Variants in MLXIP observed in about 807,000 individuals in gnomAD.
MLXIP encodes the protein MLX-interacting protein.
A neutral mutation model predicts 87.2 loss-of-function variants in MLXIP; 30 were observed. The ratio of observed to expected loss-of-function variants is 0.34; its 90% CI spans 0.26 to 0.47. The LOEUF is 0.47. Among genes scored for constraint, MLXIP ranks in the 20% least tolerant of loss-of-function variants. The probability of loss-of-function intolerance (pLI) is 1.00; values close to 1 mark genes in which losing one functional copy is unlikely to be tolerated. For missense variants in MLXIP, 1,002 were observed against 1,240.1 expected, an observed-to-expected ratio of 0.81 and a Z score of 2.88; for synonymous variants, 530 against 514.0, an observed-to-expected ratio of 1.03 and a Z score of -0.42.
intron 1 of MLXIP, among the ~76,000 whole-genome samples, chr12:122,113,404 A>G (rs1313862556): frequency 6.6e-6 from 1 of 152,030 alleles, no homozygotes; most frequent in East Asian, 1.9e-4. Context: ...AGTAGCTGGG[A>G]CTACAGGCAT....
chr12:122,128,225 G>A (rs1203043477), intron 3 of MLXIP: 4 of 426,174 alleles, frequency 9.4e-6, no homozygotes, highest in Non-Finnish European at 1.8e-5. Flanking sequence ...TTTAAAGTGT[G>A]TGTCTATGTG....
At chr12:122,090,294 G>C (rs36189777) in intron 1 of MLXIP, among the ~76,000 whole-genome samples, 76,548 of 151,816 alleles carry the variant, frequency 0.5, 19,794 homozygotes, top group Middle Eastern at 0.63. Flanking sequence ...TCAGGAGTTC[G>C]AGACCAGCCT....
Position 122,137,569 on chromosome 12 carries a change from C to G in MLXIP, c.2133C>G (p.Pro711=). The part of the protein sequence containing the change: ...PQNNCSGKSD[P]KNVAALKNRQ... ...ACAACTGCTCAGGGAAATCCGACCC[C>G]AAAAATGTGGCTGCACTAAAGGTAC... The change falls in exon 12 of 17, where the codon CCC becomes CCG. Residue 711 remains proline (P), a synonymous_variant. Coordinates refer to ENST00000319080, the MANE Select transcript of MLXIP (RefSeq NM_014938.6). The surrounding 1 kb of genome is among the most constrained non-coding windows in gnomAD (Gnocchi z 4.1). The G allele has an allele frequency of 1.9e-6, 3 of 1,613,982 alleles. No homozygotes were observed. The highest frequency in any genetic ancestry group is 3.3e-5 in the Admixed American group (2 of 60,018).
At chr12:122,086,847 C>T (rs1952174898) in intron 1 of MLXIP, among the ~76,000 whole-genome samples, 1 of 152,184 alleles carries the variant, frequency 6.6e-6, no homozygotes, top group South Asian at 2.1e-4. Context: ...CTCTTCTTCA[C>T]TGTCCGGCCA....
Position 122,138,220 on chromosome 12 carries a change from T to C in MLXIP, c.2181T>C (p.Ala727=). 6.2e-7 allele frequency: 1 copy of C among 1,609,804 alleles called. No individual in the cohort carries two copies. The highest frequency in any genetic ancestry group is 8.5e-7 in the Non-Finnish European group (1 of 1,178,148). The part of the protein sequence containing the change: ...LKNRQMKHIS[A]EQKRRFNIKM... ...ACCGGCAGATGAAGCACATCTCAGCTGAGCAGAAAAGGCGCTTCAACATCA... is the reference window on the plus strand; with the variant it reads ...ACCGGCAGATGAAGCACATCTCAGCCGAGCAGAAAAGGCGCTTCAACATCA... The change falls in exon 13 of 17, where the codon GCT becomes GCC. Residue 727 remains alanine, a synonymous_variant. Transcript: ENST00000319080.
intron 1 of MLXIP, among the ~76,000 whole-genome samples, chr12:122,112,060 G>C (rs1952612950): frequency 6.6e-6 from 1 of 152,124 alleles, no homozygotes; most frequent in Non-Finnish European, 1.5e-5. Context: ...AAAGATGATG[G>C]GTGCTAACCT....
chr12:122,092,111 T>C (rs1952254774), intron 1 of MLXIP, among the ~76,000 whole-genome samples: 1 of 152,018 alleles, frequency 6.6e-6, no homozygotes, highest in South Asian at 2.1e-4. Flanking sequence ...TCTTTTCTTT[T>C]CTTTGAGACA....
At position 122,135,959 on chromosome 12, in the gene MLXIP, A is replaced by G; in HGVS notation, c.2032+293A>G. On this transcript the variant is annotated intron_variant, in intron 11 of 16. Coordinates refer to ENST00000319080, the MANE Select transcript of MLXIP (RefSeq NM_014938.6). The surrounding 1 kb of genome is among the most constrained non-coding windows in gnomAD (Gnocchi z 5.3). ...ACGAAGGCCTGGTACTGAGCTGCTG[A>G]TCTCACCCAGAGAAGGGATTGAGGA... 1 of 337,538 alleles carries G rather than the reference A, an allele frequency of 3.0e-6. No homozygotes were observed. The highest frequency in any genetic ancestry group is 5.4e-6 in the Non-Finnish European group (1 of 184,460). The allele number at this position is 337,538 out of a possible 1,614,324, so 20.9% of individuals were successfully genotyped here. A position where few individuals can be genotyped will look rare whatever the true frequency, so the allele number is the denominator to read the frequency against.
chr12:122,108,229 A>G (rs998221348), intron 1 of MLXIP, among the ~76,000 whole-genome samples: 31 of 151,982 alleles, frequency 2.0e-4, no homozygotes, highest in African/African-American at 6.3e-4. Flanking sequence ...TTAGCCAGGT[A>G]TGGTGGCGGG....
chr12:122,137,480 C>T lies in MLXIP; in HGVS notation c.2044C>T (p.Pro682Ser). The T allele has an allele frequency of 1.2e-6, 2 of 1,613,862 alleles. No homozygotes were observed. Among genetic ancestry groups the T allele is most frequent in the Non-Finnish European group, 8.5e-7 (1 of 1,179,804 alleles). ...TCTGTTCTTACCAGGTCGGGACTGC[C>T]CAAACTCAGGGCAGGCCTCTCCGTG... is the stretch of plus-strand genomic sequence containing the variant. Reference protein sequence around the residue: ...VTVTGPSRDCPNSGQASPCAS... With the variant: ...VTVTGPSRDCSNSGQASPCAS... The change falls in exon 12 of 17, where the codon CCA (proline) becomes TCA (serine). Residue 682 changes from proline to serine, a missense_variant. By Grantham distance (74) the Pro-to-Ser change is moderately conservative. Transcript: ENST00000319080. This position sits in a 1 kb window ranked among gnomAD's most constrained non-coding sequence, Gnocchi z 4.1.
chr12:122,089,688 A>G (rs1952218127), intron 1 of MLXIP, among the ~76,000 whole-genome samples: 1 of 152,186 alleles, frequency 6.6e-6, no homozygotes, highest in Non-Finnish European at 1.5e-5. Context: ...TCACCTCAGT[A>G]AGATCCCCAG....
chr12:122,128,811 G>C, intron 3 of MLXIP: 1 of 258,424 alleles, frequency 3.9e-6, no homozygotes, highest in Non-Finnish European at 7.5e-6. Flanking sequence ...TTTATGGGGG[G>C]GCTTGGGAAT....
rs1393264699 is a variant in MLXIP, at chr12:122,141,812, G to A, written c.2760G>A (p.Ter920=). Residue 920 remains the stop codon, a stop_retained_variant, in exon 17 of 17, where the codon TAG becomes TAA. Transcript: ENST00000319080. The part of the protein sequence containing the change: ...TRIGKRLGES[*] ...TTGGCAAGAGATTGGGAGAGTCCTA[G>A]CTGCTTAGCTGGCATGTGGCCGCAT... 1 of 1,613,262 alleles carries A rather than the reference G, an allele frequency of 6.2e-7. No individual in the cohort carries two copies.
In MLXIP at chr12:122,135,114, T is replaced by C; in HGVS notation, c.1733-110T>C. 7.2e-7 allele frequency: 1 copy of C among 1,386,570 alleles called. No individual in the cohort carries two copies. The highest frequency in any genetic ancestry group is 1.4e-5 in the African/African-American group (1 of 69,958). The allele number at this position is 1,386,570 out of a possible 1,614,324, so 85.9% of individuals were successfully genotyped here. On this transcript the variant is annotated intron_variant, in intron 9 of 16. Transcript: ENST00000319080. This position sits in a 1 kb window ranked among gnomAD's most constrained non-coding sequence, Gnocchi z 5.3. ...GTGCCTTGGTGGCTTTGTCTTCCTG[T>C]CCCCTGGGGTTGAGAACAAGCTGTC...
chr12:122,127,149 G>A (rs1228017548), intron 1 of MLXIP, 107 bp from the exon 2 acceptor site: 1 of 848,186 alleles, frequency 1.2e-6, no homozygotes, highest in Non-Finnish European at 2.0e-6. Context: ...TATGGCTGGG[G>A]GTGGATCAGT....
At chr12:122,106,037 C>G (rs559481138) in intron 1 of MLXIP, among the ~76,000 whole-genome samples, 234 of 152,352 alleles carry the variant, frequency 1.5e-3, no homozygotes, top group African/African-American at 5.1e-3. Context: ...CCCAGGCCAG[C>G]CCCTGGCTGG....
chr12:122,127,863 C>G lies in MLXIP; in HGVS notation c.521-20C>G, dbSNP rs759049260. 4 of 1,610,610 alleles carry G rather than the reference C, an allele frequency of 2.5e-6. No homozygotes were observed. The highest frequency in any genetic ancestry group is 3.4e-6 in the Non-Finnish European group (4 of 1,177,010). ...AGGGGTCTGGATCATGGTGCTGACT[C>G]TCACCCTCTCTCTGCTCAGATCTGG... On this transcript the variant is annotated intron_variant, in intron 2 of 16. Coordinates refer to ENST00000319080, the MANE Select transcript of MLXIP (RefSeq NM_014938.6).
At chr12:122,091,633 G>C (rs1952246562) in intron 1 of MLXIP, among the ~76,000 whole-genome samples, 1 of 152,222 alleles carries the variant, frequency 6.6e-6, no homozygotes, top group African/African-American at 2.4e-5. Context: ...TAGGATATCT[G>C]TAAGGCTAAA....
intron 15 of MLXIP, 96 bp from the exon 16 acceptor site, chr12:122,140,858 G>T (rs1360695337): frequency 6.3e-7 from 1 of 1,580,064 alleles, no homozygotes; most frequent in African/African-American, 1.3e-5. Context: ...ATACTTTCCA[G>T]CCCCAGGGGA....
Sources: allele counts gnomAD v4.1 joint callset (sites outside exome capture counted in the v4.1 genomes callset), GRCh38; gene constraint gnomAD v4.1.1; non-coding constraint Gnocchi (gnomAD v3.1); transcripts MANE v1.5; gene names NCBI Gene and HGNC (gene_info 2026-07-23, HGNC 2026-07-21).